The following ARNT2 variants were observed in gnomAD, a reference collection of about 807,000 sequenced individuals.
The protein encoded by ARNT2 is aryl hydrocarbon receptor nuclear translocator 2, also known as ARNT protein 2.
In ARNT2, 36 loss-of-function variants were observed where a neutral mutation model predicts 91.7. That is an observed-to-expected ratio of 0.39 (90% CI 0.30 to 0.52). The LOEUF (loss-of-function observed/expected upper bound fraction) is 0.52. Among genes scored for constraint, ARNT2 ranks in the 20% least tolerant of loss-of-function variants. ARNT2 has a pLI of 0.72. For missense variants in ARNT2, 775 were observed against 939.3 expected, an observed-to-expected ratio of 0.83 and a Z score of 2.29; for synonymous variants, 365 against 347.1, an observed-to-expected ratio of 1.05 and a Z score of -0.57.
intron 1 of ARNT2, among the ~76,000 whole-genome samples, chr15:80,413,582 A>G (rs1217662794): frequency 6.6e-6 from 1 of 152,220 alleles, no homozygotes; most frequent in African/African-American, 2.4e-5. Context: ...CTTTTCTTCC[A>G]ACAACTCTAA....
At chr15:80,412,778 T>A (rs1417455382) in intron 1 of ARNT2, among the ~76,000 whole-genome samples, 1 of 152,242 alleles carries the variant, frequency 6.6e-6, no homozygotes, top group East Asian at 1.9e-4. Context: ...TTTTTCCTTA[T>A]TGTCAATTCT....
rs1053985908 is a variant in ARNT2 at position 80,498,896 on chromosome 15, C to T, written c.623-9260C>T. ...ATTTTCTGCTTTGGGGAGTGGTCTCCAGACTTCCCAGAGCAGTTGTACTGT... is the reference window on the plus strand; with the variant it reads ...ATTTTCTGCTTTGGGGAGTGGTCTCTAGACTTCCCAGAGCAGTTGTACTGT... On this transcript the variant is annotated intron_variant, in intron 5 of 18. Transcript: ENST00000303329. 3.3e-5 allele frequency among the ~76,000 whole-genome samples: 5 copies of T among 152,156 alleles called. No homozygotes were observed. In the East Asian group the frequency reaches 7.7e-4, roughly 23 times the overall value.
intron 2 of ARNT2, among the ~76,000 whole-genome samples, chr15:80,451,953 G>T (rs1051164583): frequency 6.6e-6 from 1 of 152,178 alleles, no homozygotes; most frequent in African/African-American, 2.4e-5. Context: ...ACAGCTCCTT[G>T]GGAATGCAAC....
At chr15:80,577,954 T>C (rs1355043970) in intron 15 of ARNT2, among the ~76,000 whole-genome samples, 5 of 152,334 alleles carry the variant, frequency 3.3e-5, no homozygotes, top group Admixed American at 3.3e-4. Flanking sequence ...GGCAGCCCTC[T>C]GTGAGCAGTC....
intron 1 of ARNT2, among the ~76,000 whole-genome samples, chr15:80,425,571 TTTG>T (rs1484325389): frequency 2.6e-5 from 4 of 152,154 alleles, no homozygotes; most frequent in Non-Finnish European, 5.9e-5. Context: ...TTTGTTTTGT[TTTG>T]TTTTTATTTT....
intron 5 of ARNT2, among the ~76,000 whole-genome samples, chr15:80,492,715 T>C (rs1462196139): frequency 6.6e-6 from 1 of 152,192 alleles, no homozygotes. Context: ...TATGTGTGTG[T>C]GTGTGACCTC....
In ARNT2 at chr15:80,578,179, A is replaced by T. The variant is rs115217816; in HGVS notation, c.1613+1214A>T. Among the ~76,000 whole-genome samples, 1,120 of 152,262 alleles carry T rather than the reference A, an allele frequency of 7.4e-3. 20 individuals carry two copies. The highest frequency in any genetic ancestry group is 0.026 in the African/African-American group (1,087 of 41,568). Reference sequence around the variant, plus strand: ...CCACTCTGGACAAAGGGGATCAGGGAGAGCACAGCAGCAGGAGGTAAGGAG... The same window carrying T: ...CCACTCTGGACAAAGGGGATCAGGGTGAGCACAGCAGCAGGAGGTAAGGAG... On this transcript the variant is annotated intron_variant, in intron 15 of 18. Transcript: ENST00000303329.
intron 3 of ARNT2, among the ~76,000 whole-genome samples, chr15:80,463,007 A>C (rs929453702): frequency 2.0e-5 from 3 of 152,182 alleles, no homozygotes; most frequent in African/African-American, 7.2e-5. Context: ...TATCATGACC[A>C]AAACTCTGTT....
At chr15:80,482,559 T>G (rs1595981631) in intron 5 of ARNT2, among the ~76,000 whole-genome samples, 1 of 152,330 alleles carries the variant, frequency 6.6e-6, no homozygotes, top group East Asian at 1.9e-4. Flanking sequence ...AGAAGCTTAT[T>G]GCCTTTGGGG....
intron 4 of ARNT2, among the ~76,000 whole-genome samples, chr15:80,470,833 A>G (rs1035979878): frequency 6.6e-6 from 1 of 152,226 alleles, no homozygotes; most frequent in African/African-American, 2.4e-5. Flanking sequence ...ATGAGATACC[A>G]TCTCACTCCA....
At chr15:80,559,509 G>A (rs1252428594) in intron 11 of ARNT2, among the ~76,000 whole-genome samples, 1 of 152,234 alleles carries the variant, frequency 6.6e-6, no homozygotes, top group Non-Finnish European at 1.5e-5. Context: ...GCAGAAGCAG[G>A]GAGGTGGCTA....
At chr15:80,409,462 A>G (rs1363446337) in intron 1 of ARNT2, among the ~76,000 whole-genome samples, 2 of 152,088 alleles carry the variant, frequency 1.3e-5, no homozygotes, top group Non-Finnish European at 1.5e-5. Flanking sequence ...ACCACAGTTT[A>G]TTTATTCATT....
intron 8 of ARNT2, among the ~76,000 whole-genome samples, chr15:80,531,125 T>C (rs1897732710): frequency 6.6e-6 from 1 of 152,256 alleles, no homozygotes; most frequent in Non-Finnish European, 1.5e-5. Context: ...GGTTTTTTCC[T>C]TCTGAGTTTT....
intron 5 of ARNT2, among the ~76,000 whole-genome samples, chr15:80,487,117 A>G (rs1896988172): frequency 6.6e-6 from 1 of 152,124 alleles, no homozygotes; most frequent in Non-Finnish European, 1.5e-5. Context: ...CCAGGCAGGC[A>G]GTTGAATTCC....
At chr15:80,460,499 G>A (rs1028085846) in intron 3 of ARNT2, among the ~76,000 whole-genome samples, 2 of 152,142 alleles carry the variant, frequency 1.3e-5, no homozygotes, top group Admixed American at 6.5e-5. Flanking sequence ...CCAGGATCCC[G>A]CCTGCCAGTG....
In ARNT2 at chr15:80,415,078, G is replaced by A. The variant is rs374059803; in HGVS notation, c.31+10532G>A. On this transcript the variant is annotated intron_variant, in intron 1 of 18. Transcript: ENST00000303329. ...CAGGCAAGGAAAGATGCTGAAGACTGTTCCGGTATTCAACACATTTCAGGA... is the reference window on the plus strand; with the variant it reads ...CAGGCAAGGAAAGATGCTGAAGACTATTCCGGTATTCAACACATTTCAGGA... 1.3e-4 allele frequency among the ~76,000 whole-genome samples: 20 copies of A among 152,308 alleles called. No homozygotes were observed. The East Asian group carries it at 1.9e-3, about 15-fold the overall frequency.
At chr15:80,558,360 G>A (rs1330464320) in intron 11 of ARNT2, among the ~76,000 whole-genome samples, 1 of 141,822 alleles carries the variant, frequency 7.1e-6, no homozygotes, top group Admixed American at 7.1e-5. Context: ...TTTTTGAGAC[G>A]GGGTCTTACT....
intron 5 of ARNT2, among the ~76,000 whole-genome samples, chr15:80,504,627 G>T (rs747514214): frequency 1.3e-4 from 20 of 152,158 alleles, no homozygotes; most frequent in Non-Finnish European, 1.5e-4. Flanking sequence ...AACAAGCTGG[G>T]CATGGGGGCA....
At chr15:80,471,043 A>G (rs1207912301) in intron 4 of ARNT2, among the ~76,000 whole-genome samples, 1 of 152,248 alleles carries the variant, frequency 6.6e-6, no homozygotes, top group African/African-American at 2.4e-5. Context: ...TACCCAAGGG[A>G]ATATAAATCG....
Sources: gnomAD v4.1 joint callset for allele counts (sites outside exome capture counted in the v4.1 genomes callset) on GRCh38, gnomAD v4.1.1 for gene constraint, MANE v1.5 for transcripts, NCBI Gene and HGNC (gene_info 2026-07-23, HGNC 2026-07-21) for gene names.